Variants in TBC1D32 observed in about 807,000 individuals in gnomAD.
TBC1D32 encodes protein broad-minded.
A neutral mutation model predicts 170.3 loss-of-function variants in TBC1D32; 151 were observed. The observed-to-expected ratio is 0.89, with a 90% confidence interval of 0.78 to 1.01. The LOEUF is 1.01. Among genes scored for constraint, TBC1D32 ranks in the 50% least tolerant of loss-of-function variants. TBC1D32 has a pLI of 0.00. For synonymous variants in TBC1D32, 498 were observed against 488.0 expected (o/e 1.02, Z -0.27); for missense variants, 1,464 against 1,457.1 (o/e 1.00, Z -0.08).
At chr6:121,264,801 C>A (rs1800245387) in intron 15 of TBC1D32, among the ~76,000 whole-genome samples, 1 of 152,100 alleles carries the variant, frequency 6.6e-6, no homozygotes, top group Admixed American at 6.6e-5. Context: ...GTAAACAGAA[C>A]CAATGACAAA....
chr6:121,185,256 C>T (rs1481614682), intron 22 of TBC1D32, among the ~76,000 whole-genome samples: 2 of 151,938 alleles, frequency 1.3e-5, no homozygotes, highest in Admixed American at 6.6e-5. Flanking sequence ...ATTTAGTAAC[C>T]GTTTTTCTTC....
chr6:121,323,978 C>A (rs1227152638), intron 1 of TBC1D32, among the ~76,000 whole-genome samples: 1 of 152,090 alleles, frequency 6.6e-6, no homozygotes, highest in East Asian at 1.9e-4. Context: ...AAGTAACTAC[C>A]ATGCTAAACT....
At chr6:121,084,077 C>G (rs1775938937) in intron 31 of TBC1D32, among the ~76,000 whole-genome samples, 1 of 152,052 alleles carries the variant, frequency 6.6e-6, no homozygotes, top group Non-Finnish European at 1.5e-5. Context: ...TTTTCTTTTG[C>G]TTCATTCAGG....
intron 12 of TBC1D32, 30 bp downstream of exon 12, chr6:121,292,023 A>C (rs763470545): frequency 6.5e-7 from 1 of 1,538,074 alleles, no homozygotes. Flanking sequence ...AGCATATCTT[A>C]ACAAATTTAT....
intron 27 of TBC1D32, 22 bp from the exon 28 acceptor site, chr6:121,113,199 C>T (rs780968031): frequency 6.7e-7 from 1 of 1,483,524 alleles, no homozygotes; most frequent in South Asian, 1.2e-5. Flanking sequence ...GCCCACAAAA[C>T]ATAAAACATA....
intron 5 of TBC1D32, among the ~76,000 whole-genome samples, chr6:121,306,841 T>C (rs113222527): frequency 0.019 from 2,885 of 152,338 alleles, 104 homozygotes; most frequent in African/African-American, 0.066. Context: ...TTTCTATATT[T>C]GCTTTATGAT....
At chr6:121,159,971 C>A in intron 24 of TBC1D32, 39 bp downstream of exon 24, 2 of 1,370,272 alleles carry the variant, frequency 1.5e-6, no homozygotes, top group Non-Finnish European at 2.1e-6. Context: ...ATAACAAAAG[C>A]TTTAAAAATA....
intron 15 of TBC1D32, among the ~76,000 whole-genome samples, chr6:121,272,188 T>C (rs9375018): frequency 0.16 from 24,522 of 152,098 alleles, 2,679 homozygotes; most frequent in East Asian, 0.52. Context: ...ATTCAGGACA[T>C]AGACATGGGC....
intron 21 of TBC1D32, among the ~76,000 whole-genome samples, chr6:121,212,714 G>A (rs1475457478): frequency 1.3e-5 from 2 of 151,934 alleles, no homozygotes; most frequent in East Asian, 1.9e-4. Context: ...ACCTGCCTCG[G>A]GCCCCCAAAA....
In TBC1D32 at chr6:121,161,007, T is replaced by C; in HGVS notation, c.2620A>G (p.Arg874Gly). 6.2e-7 allele frequency: 1 copy of C among 1,613,738 alleles called. No homozygotes were observed. Among genetic ancestry groups the C allele is most frequent in the South Asian group, 1.1e-5 (1 of 90,948 alleles). The change falls in exon 23 of 32, where the codon AGA (arginine) becomes GGA (glycine). Residue 874 changes from arginine (R) to glycine (G), a missense_variant. Coordinates refer to ENST00000398212, the MANE Select transcript of TBC1D32 (RefSeq NM_152730.6). ...AATGGCCCACCAACAAGATTTATTC[T>C]AACAAGAACATGATTTCTCTCCACT... ...LSVERNHVLVRINLVGGPLER... is the reference protein window; with the variant it reads ...LSVERNHVLVGINLVGGPLER...
intron 22 of TBC1D32, among the ~76,000 whole-genome samples, chr6:121,179,635 A>C (rs561084230): frequency 1.1e-3 from 172 of 152,294 alleles, no homozygotes; most frequent in African/African-American, 4.1e-3. Context: ...TAAATATTTT[A>C]AAGACGTGCA....
intron 22 of TBC1D32, among the ~76,000 whole-genome samples, chr6:121,175,021 G>T (rs1247245522): frequency 2.5e-4 from 8 of 31,714 alleles, no homozygotes; most frequent in Admixed American, 7.3e-4. Flanking sequence ...GACAGACCTT[G>T]TCAAAAAAAA....
chr6:121,294,746 A>ATTT, intron 10 of TBC1D32, 86 bp from the exon 11 acceptor site: 1 of 1,038,732 alleles, frequency 9.6e-7, no homozygotes, highest in Non-Finnish European at 1.5e-6. Context: ...CTGTAAAAAT[A>ATTT]CTTTGGAGAA....
intron 22 of TBC1D32, among the ~76,000 whole-genome samples, chr6:121,177,008 C>G (rs753936077): frequency 5.3e-5 from 8 of 152,100 alleles, no homozygotes; most frequent in Non-Finnish European, 1.0e-4. Flanking sequence ...TGCTACTGTG[C>G]TGCCAGTTAT....
intron 31 of TBC1D32, among the ~76,000 whole-genome samples, chr6:121,083,099 C>T (rs1359532826): frequency 6.6e-6 from 1 of 151,948 alleles, no homozygotes; most frequent in Non-Finnish European, 1.5e-5. Context: ...ACTATTTAGA[C>T]TGCCAGCTTA....
At chr6:121,284,591 T>C (rs1468158955) in intron 12 of TBC1D32, among the ~76,000 whole-genome samples, 2 of 152,170 alleles carry the variant, frequency 1.3e-5, no homozygotes, top group African/African-American at 4.8e-5. Context: ...AGACAAAATT[T>C]ATCAACTCTT....
chr6:121,144,456 T>C (rs1441972167), intron 24 of TBC1D32, among the ~76,000 whole-genome samples: 1 of 152,096 alleles, frequency 6.6e-6, no homozygotes, highest in East Asian at 1.9e-4. Context: ...TGTAAAGATT[T>C]GCTGACAGAT....
intron 30 of TBC1D32, among the ~76,000 whole-genome samples, chr6:121,094,137 T>C (rs1777128996): frequency 6.6e-6 from 1 of 151,932 alleles, no homozygotes; most frequent in Non-Finnish European, 1.5e-5. Context: ...TGCTGAGCTA[T>C]GAGTCATAAA....
intron 21 of TBC1D32, among the ~76,000 whole-genome samples, chr6:121,207,034 C>T (rs1415254347): frequency 6.6e-6 from 1 of 152,098 alleles, no homozygotes; most frequent in Non-Finnish European, 1.5e-5. Context: ...AGTGATGAAA[C>T]TTGTTTACTA....
Sources: allele counts gnomAD v4.1 joint callset (sites outside exome capture counted in the v4.1 genomes callset), GRCh38; gene constraint gnomAD v4.1.1; transcripts MANE v1.5; gene names NCBI Gene and HGNC (gene_info 2026-07-23, HGNC 2026-07-21).